The following ANKRD44 variants were observed in gnomAD, a reference collection of about 807,000 sequenced individuals.
ANKRD44 encodes ankyrin repeat domain 44.
A neutral mutation model predicts 116.0 loss-of-function variants in ANKRD44; 35 were observed. The observed-to-expected ratio is 0.30, with a 90% CI of 0.23 to 0.40. The LOEUF (loss-of-function observed/expected upper bound fraction) is 0.40. Among genes scored for constraint, ANKRD44 ranks in the 10% least tolerant of loss-of-function variants. ANKRD44 has a pLI of 1.00. For missense variants in ANKRD44, 1,014 were observed against 1,242.6 expected (o/e 0.82, Z 2.77); for synonymous variants, 435 against 461.8 (o/e 0.94, Z 0.74).
At chr2:196,976,502 G>C (rs1006419896) in intron 21 of ANKRD44, among the ~76,000 whole-genome samples, 13 of 152,140 alleles carry the variant, frequency 8.5e-5, no homozygotes, top group African/African-American at 2.9e-4. Flanking sequence ...ATCCTATACA[G>C]ATTGGAAAAG....
chr2:196,967,512 T>C, intron 21 of ANKRD44: 2 of 431,602 alleles, frequency 4.6e-6, no homozygotes, highest in South Asian at 3.2e-5. Context: ...TGTTGCATTT[T>C]TCGGTAAAAA....
chr2:197,175,783 G>A (rs1006298161), intron 2 of ANKRD44, among the ~76,000 whole-genome samples: 1 of 152,120 alleles, frequency 6.6e-6, no homozygotes, highest in Non-Finnish European at 1.5e-5. Context: ...ATGTAACTGA[G>A]GTTATTCATG....
intron 2 of ANKRD44, among the ~76,000 whole-genome samples, chr2:197,162,942 T>A (rs1189310584): frequency 6.6e-6 from 1 of 152,210 alleles, no homozygotes; most frequent in Non-Finnish European, 1.5e-5. Flanking sequence ...AGGGTCTGCC[T>A]ATATGAGGGC....
chr2:196,980,630 A>AGTGGTTC (rs2075794177), intron 21 of ANKRD44, among the ~76,000 whole-genome samples: 1 of 152,236 alleles, frequency 6.6e-6, no homozygotes, highest in Non-Finnish European at 1.5e-5. Context: ...ACGTTGTCTG[A>AGTGGTTC]ACCACACTCT....
intron 2 of ANKRD44, among the ~76,000 whole-genome samples, chr2:197,151,205 T>C (rs2079640894): frequency 6.6e-6 from 1 of 151,116 alleles, no homozygotes; most frequent in Non-Finnish European, 1.5e-5. Flanking sequence ...GCTGGATAGA[T>C]ATGCCCTCAA....
intron 10 of ANKRD44, 105 bp from the exon 11 acceptor site, chr2:197,090,137 T>C (rs1485361435): frequency 1.2e-6 from 1 of 815,504 alleles, no homozygotes; most frequent in South Asian, 1.5e-5. Context: ...CAACACCTTG[T>C]GTAGGGAGTC....
chr2:197,143,469 C>A (rs1307431938), intron 3 of ANKRD44, among the ~76,000 whole-genome samples: 2 of 150,706 alleles, frequency 1.3e-5, no homozygotes, highest in African/African-American at 4.9e-5. Context: ...TTTGTTCTTG[C>A]AATAGTTTAC....
intron 18 of ANKRD44, among the ~76,000 whole-genome samples, chr2:197,009,541 G>C (rs189330214): frequency 9.2e-5 from 14 of 152,194 alleles, no homozygotes; most frequent in South Asian, 2.1e-4. Flanking sequence ...GCTAATTTTT[G>C]CATTTTTAGT....
Position 196,988,127 on chromosome 2 carries a change from G to A in ANKRD44, c.*1464C>T. 1.0e-6 allele frequency: 1 copy of A among 985,386 alleles called. No homozygotes were observed. Among genetic ancestry groups the A allele is most frequent in the Non-Finnish European group, 1.2e-6 (1 of 829,920 alleles). 61.0% of individuals were successfully genotyped at this position (985,386 alleles called of 1,614,324 possible). On this transcript the variant is annotated 3_prime_UTR_variant, in exon 28 of 28. Coordinates refer to ENST00000282272, the MANE Select transcript of ANKRD44 (RefSeq NM_001195144.2). Reference sequence around the variant, plus strand: ...AGATAACGTCTCATGGTGAGTCACTGCTTTGCTGAAATGATTCTTGTACTC... The same window carrying A: ...AGATAACGTCTCATGGTGAGTCACTACTTTGCTGAAATGATTCTTGTACTC...
Position 197,086,726 on chromosome 2 carries a change from A to G in ANKRD44, c.1270T>C (p.Leu424=). The change falls in exon 13 of 28, where the codon TTG becomes CTG. Residue 424 remains leucine (L), a synonymous_variant. Coordinates refer to ENST00000282272, the MANE Select transcript of ANKRD44 (RefSeq NM_001195144.2). Reference sequence around the variant, plus strand: ...TGGAAATCTGCTCCGCTGCTCTGCAAGAGTTTTATACATTCCACATTACTA... The same window carrying G: ...TGGAAATCTGCTCCGCTGCTCTGCAGGAGTTTTATACATTCCACATTACTA... The part of the protein sequence containing the change: ...AGGNVECIKL[L]QSSGADFHKK... 1 of 1,613,934 alleles carries G rather than the reference A, an allele frequency of 6.2e-7. No individual in the cohort carries two copies. The highest frequency in any genetic ancestry group is 1.7e-5 in the Admixed American group (1 of 60,020).
chr2:197,127,115 T>C (rs1185749995), intron 4 of ANKRD44, among the ~76,000 whole-genome samples: 1 of 152,216 alleles, frequency 6.6e-6, no homozygotes, highest in Non-Finnish European at 1.5e-5. Flanking sequence ...AGCTTTATTT[T>C]ATAGGCAAGA....
chr2:197,289,945 A>G (rs975702668), intron 1 of ANKRD44, among the ~76,000 whole-genome samples: 9 of 150,414 alleles, frequency 6.0e-5, no homozygotes, highest in African/African-American at 2.2e-4. Context: ...GGCTCACTGC[A>G]ACCTCCTGGG....
intron 1 of ANKRD44, among the ~76,000 whole-genome samples, chr2:197,253,779 CAA>C (rs1320777872): frequency 3.3e-5 from 5 of 152,146 alleles, no homozygotes; most frequent in Non-Finnish European, 7.3e-5. Context: ...CCCAGAAAAA[CAA>C]AGTCATACTA....
At position 196,993,722 on chromosome 2, in the gene ANKRD44, G is replaced by C. The variant is rs529933431; in HGVS notation, c.2832-48C>G. 1.1e-4 allele frequency: 157 copies of C among 1,485,708 alleles called. No individual in the cohort carries two copies. In the South Asian group the frequency reaches 1.9e-3, roughly 18 times the overall value. 92.0% of individuals were successfully genotyped at this position (1,485,708 alleles called of 1,614,324 possible). ...TCAGTTGTGATACATATTTGGGTGAGAATGTGGAATTTTTGTTAGCCCATG... is the reference window on the plus strand; with the variant it reads ...TCAGTTGTGATACATATTTGGGTGACAATGTGGAATTTTTGTTAGCCCATG... On this transcript the variant is annotated intron_variant, in intron 26 of 27. Transcript: ENST00000282272.
chr2:197,271,557 G>C (rs1479124600), intron 1 of ANKRD44, among the ~76,000 whole-genome samples: 1 of 152,182 alleles, frequency 6.6e-6, no homozygotes, highest in East Asian at 1.9e-4. Context: ...TATATTCTCT[G>C]TTCTATTTTT....
chr2:197,108,128 T>C (rs1374950847), intron 9 of ANKRD44, among the ~76,000 whole-genome samples: 1 of 152,210 alleles, frequency 6.6e-6, no homozygotes, highest in Admixed American at 6.5e-5. Context: ...GCGTGGTGGT[T>C]GAGAGTTCAG....
intron 1 of ANKRD44, among the ~76,000 whole-genome samples, chr2:197,267,289 T>C (rs2082766744): frequency 6.6e-6 from 1 of 152,234 alleles, no homozygotes; most frequent in South Asian, 2.1e-4. Context: ...CTCCAGAATC[T>C]TTAATGTAAT....
chr2:197,064,208 A>G (rs891910458), intron 16 of ANKRD44, among the ~76,000 whole-genome samples: 14 of 152,238 alleles, frequency 9.2e-5, no homozygotes, highest in Admixed American at 7.2e-4. Context: ...ACTAAGCTTC[A>G]TAAGTGAAGG....
At position 197,067,662 on chromosome 2, in the gene ANKRD44, T is replaced by C. The variant is rs1304757094; in HGVS notation, c.1650+11041A>G. On this transcript the variant is annotated intron_variant, in intron 16 of 27. Transcript: ENST00000282272. Reference sequence around the variant, plus strand: ...AATGCAAATCAAAACCACTATGAGATATCATCTCACACCAGTTAGAATGGC... The same window carrying C: ...AATGCAAATCAAAACCACTATGAGACATCATCTCACACCAGTTAGAATGGC... Among the ~76,000 whole-genome samples the C allele has an allele frequency of 8.9e-5, 11 of 123,354 alleles. No individual in the cohort carries two copies. The South Asian group carries it at 3.6e-3, about 40-fold the overall frequency. 80.9% of individuals were successfully genotyped at this position (123,354 alleles called of 152,430 possible).
Sources: allele counts gnomAD v4.1 joint callset (sites outside exome capture counted in the v4.1 genomes callset), GRCh38; gene constraint gnomAD v4.1.1; transcripts MANE v1.5; gene names NCBI Gene and HGNC (gene_info 2026-07-23, HGNC 2026-07-21).